WDR43: variants seen among roughly 807,000 people sequenced by gnomAD.
WDR43 encodes the protein WD repeat-containing protein 43.
Under a neutral mutation model 91.4 loss-of-function variants are expected in WDR43, and 13 were observed. The observed-to-expected ratio is 0.14, with a 90% confidence interval of 0.09 to 0.23. The LOEUF is 0.23. WDR43 is among the 10% of genes least tolerant of loss of function. The pLI is 1.00. For missense variants in WDR43, 780 were observed against 809.4 expected (o/e 0.96, Z 0.44); for synonymous variants, 331 against 287.9 (o/e 1.15, Z -1.51).
chr2:28,902,217 G>A, intron 2 of WDR43, 93 bp downstream of exon 2: 2 of 1,377,548 alleles, frequency 1.5e-6, no homozygotes, highest in Non-Finnish European at 2.0e-6. Flanking sequence ...GTATGTGATG[G>A]GATCTGTGCA....
intron 11 of WDR43, among the ~76,000 whole-genome samples, chr2:28,933,826 CA>C (rs1435275219): frequency 6.6e-6 from 1 of 152,058 alleles, no homozygotes; most frequent in Non-Finnish European, 1.5e-5. Context: ...ATGCGAAAGA[CA>C]GACAATAATA....
intron 14 of WDR43, among the ~76,000 whole-genome samples, chr2:28,938,293 G>A (rs1187744287): frequency 6.6e-6 from 1 of 152,154 alleles, no homozygotes; most frequent in African/African-American, 2.4e-5. Flanking sequence ...AGATTTAGAT[G>A]TGACACACAC....
intron 10 of WDR43, among the ~76,000 whole-genome samples, chr2:28,928,699 G>C (rs1387094989): frequency 6.6e-6 from 1 of 151,966 alleles, no homozygotes; most frequent in African/African-American, 2.4e-5. Context: ...TTTGTTTTTT[G>C]GAGATAGGGT....
At chr2:28,929,508 T>A (rs1671201150) in intron 10 of WDR43, 71 bp from the exon 11 acceptor site, 3 of 1,280,508 alleles carry the variant, frequency 2.3e-6, no homozygotes, top group East Asian at 3.0e-5. Flanking sequence ...TTATTTTATT[T>A]TATTTTTTTT....
intron 3 of WDR43, among the ~76,000 whole-genome samples, chr2:28,907,147 T>C (rs1208235766): frequency 2.0e-5 from 3 of 152,138 alleles, no homozygotes; most frequent in Non-Finnish European, 4.4e-5. Flanking sequence ...GATCCTGAGG[T>C]TGGCCGTATA....
At chr2:28,921,800 C>A (rs766411129) in intron 6 of WDR43, among the ~76,000 whole-genome samples, 64 of 152,148 alleles carry the variant, frequency 4.2e-4, no homozygotes, top group South Asian at 2.1e-4. Flanking sequence ...TTGCCTTGAC[C>A]TCCCTGGGCT....
chr2:28,902,169 C>T (rs1670588635), intron 2 of WDR43, 45 bp downstream of exon 2: 2 of 1,509,594 alleles, frequency 1.3e-6, no homozygotes, highest in African/African-American at 1.4e-5. Flanking sequence ...GACAGGGAAG[C>T]TGATTATTAG....
At position 28,929,716 on chromosome 2, in the gene WDR43, T is replaced by C; in HGVS notation, c.1437+6T>C. ...ACGATTTTGAAATGCTAAATGTAAG[T>C]ATATAGCAATTTTTAACTAAATTAA... On this transcript the variant is annotated splice_donor_region_variant and intron_variant, in intron 11 of 17. Coordinates refer to ENST00000407426, the MANE Select transcript of WDR43 (RefSeq NM_015131.3). 1 of 1,607,554 alleles carries C rather than the reference T, an allele frequency of 6.2e-7. No homozygotes were observed. The highest frequency in any genetic ancestry group is 1.3e-5 in the African/African-American group (1 of 74,692).
In WDR43 at chr2:28,942,390, TGG is replaced by T. The variant is rs773508354; in HGVS notation, c.1804+13_1804+14del. 42 of 1,610,718 alleles carry T rather than the reference TGG, an allele frequency of 2.6e-5. No homozygotes were observed. In the East Asian group the frequency reaches 6.2e-4, roughly 24 times the overall value. ...GTTGGTGTATGAAGAAGGTAAAGAC[TGG>T]GGGAATGGGATGGAGTCTAGAATTA... On this transcript the variant is annotated intron_variant, in intron 16 of 17. Transcript: ENST00000407426.
At chr2:28,922,813 T>TTC (rs1671059303) in intron 6 of WDR43, 106 bp from the exon 7 acceptor site, 1 of 483,190 alleles carries the variant, frequency 2.1e-6, no homozygotes, top group East Asian at 3.9e-5. Flanking sequence ...TTTTTTTTTT[T>TTC]TCTGGTTGTG....
intron 14 of WDR43, among the ~76,000 whole-genome samples, chr2:28,940,238 T>TTTTTTC (rs1428593498): frequency 1.3e-4 from 19 of 151,906 alleles, no homozygotes; most frequent in Admixed American, 3.3e-4. Flanking sequence ...TTTTCTTTTT[T>TTTTTTC]TTTTTCTTGA....
chr2:28,931,077 C>CCT (rs1671230329), intron 11 of WDR43, among the ~76,000 whole-genome samples: 1 of 137,814 alleles, frequency 7.3e-6, no homozygotes, highest in Admixed American at 7.3e-5. Flanking sequence ...TTTATTTCTG[C>CCT]TTTTTTTTTT....
chr2:28,932,191 T>C (rs1301294474), intron 11 of WDR43, among the ~76,000 whole-genome samples: 1 of 152,166 alleles, frequency 6.6e-6, no homozygotes. Context: ...ATTGATTGAT[T>C]GATCGATTGT....
intron 2 of WDR43, among the ~76,000 whole-genome samples, chr2:28,904,588 T>C (rs1670642805): frequency 6.6e-6 from 1 of 152,226 alleles, no homozygotes; most frequent in South Asian, 2.1e-4. Flanking sequence ...CCACTTTGTT[T>C]TGGTTTGTAT....
intron 1 of WDR43, among the ~76,000 whole-genome samples, chr2:28,899,437 C>T (rs1340846592): frequency 6.6e-6 from 1 of 152,140 alleles, no homozygotes; most frequent in Non-Finnish European, 1.5e-5. Flanking sequence ...GAAAGGTCCC[C>T]TTCCAAGTGA....
intron 3 of WDR43, among the ~76,000 whole-genome samples, chr2:28,909,717 G>A (rs1670753240): frequency 6.6e-6 from 1 of 151,916 alleles, no homozygotes; most frequent in South Asian, 2.1e-4. Flanking sequence ...CTACAAAAAT[G>A]AAAAAAATTA....
chr2:28,944,091 G>C (rs1191957545), intron 16 of WDR43, among the ~76,000 whole-genome samples: 1 of 152,108 alleles, frequency 6.6e-6, no homozygotes, highest in African/African-American at 2.4e-5. Flanking sequence ...TTTTCAATCG[G>C]TCATCTGTGG....
intron 14 of WDR43, among the ~76,000 whole-genome samples, chr2:28,938,311 C>T (rs560989311): frequency 7.4e-4 from 112 of 152,238 alleles, no homozygotes; most frequent in African/African-American, 2.6e-3. Context: ...CACACAGGCA[C>T]GGCAGGTTTT....
intron 4 of WDR43, chr2:28,913,670 T>C (rs1447468308): frequency 1.9e-6 from 1 of 521,688 alleles, no homozygotes; most frequent in East Asian, 5.4e-5. Flanking sequence ...TTTGGTGCTG[T>C]GATGATGCCT....
Sources: allele counts gnomAD v4.1 joint callset (sites outside exome capture counted in the v4.1 genomes callset), GRCh38; gene constraint gnomAD v4.1.1; transcripts MANE v1.5; gene names NCBI Gene and HGNC (gene_info 2026-07-23, HGNC 2026-07-21).